The following CNTNAP5 variants were observed in gnomAD, a reference collection of about 807,000 sequenced individuals.
CNTNAP5 encodes contactin-associated protein-like 5.
CNTNAP5 carries 72 observed loss-of-function variants against 150.2 expected under a neutral mutation model. The ratio of observed to expected loss-of-function variants is 0.48; its 90% confidence interval spans 0.40 to 0.58. CNTNAP5 has a LOEUF of 0.58. Ranked by LOEUF, CNTNAP5 falls within the 20% of genes least tolerant of loss-of-function variation. The pLI is 0.00. For synonymous variants in CNTNAP5, 672 were observed against 619.8 expected, an observed-to-expected ratio of 1.08 and a Z score of -1.25; for missense variants, 1,636 against 1,626.2, an observed-to-expected ratio of 1.01 and a Z score of -0.10.
chr2:124,156,587 C>G (rs1408684561), intron 1 of CNTNAP5, among the ~76,000 whole-genome samples: 1 of 152,162 alleles, frequency 6.6e-6, no homozygotes, highest in Non-Finnish European at 1.5e-5. Context: ...CCTCCGCTTT[C>G]CAGGTTCACG....
rs1185939956 is a variant in CNTNAP5 at position 124,527,472 on chromosome 2, T to A, written c.1649+16T>A. On this transcript the variant is annotated intron_variant, in intron 10 of 23. Coordinates refer to ENST00000682447, the MANE Select transcript of CNTNAP5 (RefSeq NM_001367498.1). ...TCAAAGACAGGTAATTATTGTCTCT[T>A]CTCCTCTGTTCTGCCACCCCCTTCC... The A allele has an allele frequency of 6.3e-7, 1 of 1,589,254 alleles. No individual in the cohort carries two copies. The highest frequency in any genetic ancestry group is 1.1e-5 in the South Asian group (1 of 88,160).
At chr2:124,236,401 G>A (rs1686747547) in intron 2 of CNTNAP5, among the ~76,000 whole-genome samples, 1 of 152,162 alleles carries the variant, frequency 6.6e-6, no homozygotes, top group African/African-American at 2.4e-5. Context: ...CAGGGTTCTT[G>A]CCAACAGCTT....
At chr2:124,039,320 GC>G (rs1271201074) in intron 1 of CNTNAP5, among the ~76,000 whole-genome samples, 2 of 152,128 alleles carry the variant, frequency 1.3e-5, no homozygotes, top group Non-Finnish European at 2.9e-5. Flanking sequence ...ACAGTAAATG[GC>G]AAAATAACTA....
At chr2:124,513,181 G>A (rs1558934738) in intron 8 of CNTNAP5, among the ~76,000 whole-genome samples, 1 of 152,186 alleles carries the variant, frequency 6.6e-6, no homozygotes, top group Non-Finnish European at 1.5e-5. Flanking sequence ...GATGTTGGCA[G>A]GATTGATTTC....
intron 3 of CNTNAP5, among the ~76,000 whole-genome samples, chr2:124,316,825 AAAAG>A (rs1354309068): frequency 6.0e-5 from 9 of 149,476 alleles, no homozygotes; most frequent in Admixed American, 1.3e-4. Flanking sequence ...AAAAAAAAAA[AAAAG>A]AAAAAGAAAA....
chr2:124,647,466 T>C (rs1436688723), intron 12 of CNTNAP5, among the ~76,000 whole-genome samples: 2 of 152,182 alleles, frequency 1.3e-5, no homozygotes, highest in African/African-American at 4.8e-5. Context: ...CATAGCGGTA[T>C]TGCTTCACTT....
chr2:124,465,918 C>A (rs1260330414), intron 6 of CNTNAP5, among the ~76,000 whole-genome samples: 1 of 151,982 alleles, frequency 6.6e-6, no homozygotes, highest in Non-Finnish European at 1.5e-5. Context: ...AACGAGATTG[C>A]AATTTTAGAT....
intron 3 of CNTNAP5, among the ~76,000 whole-genome samples, chr2:124,311,617 T>C (rs771129782): frequency 9.9e-5 from 15 of 152,246 alleles, no homozygotes; most frequent in Non-Finnish European, 2.2e-4. Flanking sequence ...TCAAATTTCC[T>C]ATGAATTTTG....
intron 16 of CNTNAP5, 76 bp from the exon 17 acceptor site, chr2:124,772,723 T>C: frequency 9.2e-7 from 1 of 1,084,206 alleles, no homozygotes; most frequent in Non-Finnish European, 1.4e-6. Context: ...CTTACAATCG[T>C]TTCTCCCACT....
intron 3 of CNTNAP5, among the ~76,000 whole-genome samples, chr2:124,396,821 G>C (rs776764591): frequency 5.9e-5 from 9 of 152,214 alleles, no homozygotes; most frequent in South Asian, 4.1e-4. Context: ...AATAATAATA[G>C]CAATAACGAT....
At chr2:124,789,143 A>G (rs958878940) in intron 17 of CNTNAP5, among the ~76,000 whole-genome samples, 2 of 152,156 alleles carry the variant, frequency 1.3e-5, no homozygotes, top group Non-Finnish European at 2.9e-5. Context: ...AGTCTACTGA[A>G]GTTTTCTAAG....
intron 11 of CNTNAP5, among the ~76,000 whole-genome samples, chr2:124,574,791 G>A (rs1041539157): frequency 1.7e-4 from 26 of 152,136 alleles, no homozygotes; most frequent in East Asian, 5.8e-4. Flanking sequence ...TGTTCATTCC[G>A]ATTCATGCAA....
chr2:124,620,745 G>GCACACACACA (rs3039903), intron 12 of CNTNAP5, among the ~76,000 whole-genome samples: 1 of 103,618 alleles, frequency 9.7e-6, no homozygotes, highest in African/African-American at 2.8e-5. Flanking sequence ...ACACACACAT[G>GCACACACACA]CACACACACA....
Position 124,679,463 on chromosome 2 carries a change from A to G in CNTNAP5, c.2077+31505A>G, listed in dbSNP as rs137956911. Among the ~76,000 whole-genome samples, 1,269 of 151,996 alleles carry G rather than the reference A, an allele frequency of 8.3e-3. 21 individuals are homozygous for G. The highest frequency in any genetic ancestry group is 0.029 in the African/African-American group (1,222 of 41,558). On this transcript the variant is annotated intron_variant, in intron 13 of 23. Coordinates refer to ENST00000682447, the MANE Select transcript of CNTNAP5 (RefSeq NM_001367498.1). ...CCTCATAGAGGACAGACACCCTTTA[A>G]TCTCTATTTTACAGGTGAGGAAACT... is the stretch of plus-strand genomic sequence containing the variant.
At chr2:124,392,104 T>C (rs1285714971) in intron 3 of CNTNAP5, among the ~76,000 whole-genome samples, 1 of 152,168 alleles carries the variant, frequency 6.6e-6, no homozygotes, top group African/African-American at 2.4e-5. Context: ...ACTTCTCCCA[T>C]CTCTGTTCTG....
intron 4 of CNTNAP5, among the ~76,000 whole-genome samples, chr2:124,433,768 C>G (rs1273924694): frequency 1.3e-5 from 2 of 152,018 alleles, no homozygotes; most frequent in African/African-American, 4.8e-5. Flanking sequence ...AGATTTTTGG[C>G]ATAATTTGTC....
chr2:124,533,865 A>T (rs1232754315), intron 10 of CNTNAP5, among the ~76,000 whole-genome samples: 1 of 152,228 alleles, frequency 6.6e-6, no homozygotes, highest in East Asian at 1.9e-4. Context: ...GCTGACAAGC[A>T]TAACTGTTTG....
chr2:124,170,554 C>T (rs1053889093), intron 1 of CNTNAP5, among the ~76,000 whole-genome samples: 4 of 152,158 alleles, frequency 2.6e-5, no homozygotes, highest in East Asian at 1.9e-4. Flanking sequence ...CGCAGCTTCC[C>T]GATGCCTCCA....
At chr2:124,146,049 G>A (rs1015579707) in intron 1 of CNTNAP5, among the ~76,000 whole-genome samples, 1 of 152,020 alleles carries the variant, frequency 6.6e-6, no homozygotes, top group African/African-American at 2.4e-5. Context: ...ATTCTCAGAA[G>A]AGCCCACTTA....
Sources: allele counts gnomAD v4.1 joint callset (sites outside exome capture counted in the v4.1 genomes callset), GRCh38; gene constraint gnomAD v4.1.1; transcripts MANE v1.5; gene names NCBI Gene and HGNC (gene_info 2026-07-23, HGNC 2026-07-21).